Variants in CENPW observed in about 807,000 individuals in gnomAD.
The protein encoded by CENPW is cancer-up-regulated gene 2 protein.
Under a neutral mutation model 11.1 loss-of-function variants are expected in CENPW, and 3 were observed. That is an observed-to-expected ratio of 0.27 (90% CI 0.12 to 0.70). The LOEUF is 0.70. Ranked by LOEUF, CENPW falls within the 30% of genes least tolerant of loss-of-function variation. The pLI, the probability that CENPW is intolerant of heterozygous loss-of-function variation, is 0.77. For missense variants in CENPW, 100 were observed against 105.6 expected (o/e 0.95, Z 0.23); for synonymous variants, 38 against 42.0 (o/e 0.91, Z 0.37).
At chr6:126,358,432 A>G in the CENPW span, among the ~76,000 whole-genome samples, 2 of 152,122 alleles carry the variant, frequency 1.3e-5, no homozygotes, top group Non-Finnish European at 2.9e-5. Flanking sequence ...GTTGGATTTT[A>G]TTGAAAGCTT....
chr6:126,450,588 C>CT, the CENPW span, among the ~76,000 whole-genome samples: 5 of 150,514 alleles, frequency 3.3e-5, no homozygotes, highest in South Asian at 2.1e-4. Flanking sequence ...ATATCCTTTG[C>CT]TTTTTTTTCA....
chr6:126,362,758 G>C, the CENPW span, among the ~76,000 whole-genome samples: 1 of 151,940 alleles, frequency 6.6e-6, no homozygotes, highest in Non-Finnish European at 1.5e-5. Flanking sequence ...TCTATGTCCT[G>C]TCTTCTGATT....
the CENPW span, among the ~76,000 whole-genome samples, chr6:126,395,999 C>T: frequency 1.3e-5 from 2 of 152,136 alleles, no homozygotes; most frequent in African/African-American, 4.8e-5. Flanking sequence ...ACCAGCACAG[C>T]ACTGAATCTC....
the CENPW span, among the ~76,000 whole-genome samples, chr6:126,430,635 G>T: frequency 5.1e-4 from 77 of 152,192 alleles, no homozygotes; most frequent in African/African-American, 1.8e-3. Context: ...GGTAGGAAAG[G>T]TCGGTTGTTA....
downstream of CENPW, among the ~76,000 whole-genome samples, chr6:126,349,862 T>A (rs1416371212): frequency 6.6e-6 from 1 of 152,100 alleles, no homozygotes; most frequent in Non-Finnish European, 1.5e-5. Context: ...TTATTTATTT[T>A]TTTTAAAAGA....
At chr6:126,343,884 A>G (rs1428961882) in intron 1 of CENPW, among the ~76,000 whole-genome samples, 1 of 152,206 alleles carries the variant, frequency 6.6e-6, no homozygotes, top group Non-Finnish European at 1.5e-5. Flanking sequence ...CCCAGGAACA[A>G]TACTTTTCAT....
the CENPW span, among the ~76,000 whole-genome samples, chr6:126,385,391 TGTG>T: frequency 6.6e-6 from 1 of 152,026 alleles, no homozygotes; most frequent in East Asian, 1.9e-4. Context: ...ATAAAGAAAA[TGTG>T]GTGCATATAC....
At chr6:126,423,414 C>G in the CENPW span, among the ~76,000 whole-genome samples, 6 of 152,174 alleles carry the variant, frequency 3.9e-5, no homozygotes, top group Admixed American at 1.3e-4. Flanking sequence ...TCTTTTGAGT[C>G]TGCAGAAATG....
chr6:126,346,332 T>A lies in CENPW; in HGVS notation c.240+14T>A. 6.5e-7 allele frequency: 1 copy of A among 1,535,038 alleles called. No homozygotes were observed. The highest frequency in any genetic ancestry group is 9.0e-7 in the Non-Finnish European group (1 of 1,116,888). On this transcript the variant is annotated intron_variant, in intron 2 of 2. Coordinates refer to ENST00000368328, the MANE Select transcript of CENPW (RefSeq NM_001012507.4). Reference sequence around the variant, plus strand: ...GCCGCAGCAAAGGTAAAATCCAAATTTCTTTTCTCGAGCAAGAATTAAACT... The same window carrying A: ...GCCGCAGCAAAGGTAAAATCCAAATATCTTTTCTCGAGCAAGAATTAAACT...
chr6:126,392,490 A>G, the CENPW span, among the ~76,000 whole-genome samples: 1 of 151,798 alleles, frequency 6.6e-6, no homozygotes, highest in African/African-American at 2.4e-5. Flanking sequence ...TCTGTACCCA[A>G]TTTTTTGAGG....
chr6:126,423,650 G>A, the CENPW span, among the ~76,000 whole-genome samples: 8 of 151,930 alleles, frequency 5.3e-5, no homozygotes, highest in Non-Finnish European at 1.0e-4. Context: ...GAGACTTTTT[G>A]GGGGTGGGGC....
At chr6:126,478,913 C>G in the CENPW span, among the ~76,000 whole-genome samples, 2 of 152,018 alleles carry the variant, frequency 1.3e-5, no homozygotes, top group Admixed American at 6.6e-5. Flanking sequence ...AGCTGCCTGT[C>G]TCTTGATAGG....
At chr6:126,375,360 A>C in the CENPW span, among the ~76,000 whole-genome samples, 1 of 152,208 alleles carries the variant, frequency 6.6e-6, no homozygotes, top group Non-Finnish European at 1.5e-5. Context: ...TGTTCTGAGC[A>C]GGCATGTGAC....
chr6:126,390,188 C>T, the CENPW span, among the ~76,000 whole-genome samples: 3 of 151,848 alleles, frequency 2.0e-5, no homozygotes, highest in East Asian at 1.9e-4. Context: ...TACTGCAACC[C>T]GCCTAAAACC....
chr6:126,420,306 G>A, the CENPW span, among the ~76,000 whole-genome samples: 4 of 152,114 alleles, frequency 2.6e-5, no homozygotes, highest in Admixed American at 2.6e-4. Flanking sequence ...ATAGGGTGGA[G>A]TCAGATTATG....
At chr6:126,416,645 G>T in the CENPW span, among the ~76,000 whole-genome samples, 1 of 152,174 alleles carries the variant, frequency 6.6e-6, no homozygotes, top group East Asian at 1.9e-4. Flanking sequence ...ATGGCTGAAA[G>T]GGGCCAATGT....
the CENPW span, among the ~76,000 whole-genome samples, chr6:126,376,023 C>T: frequency 3.3e-5 from 5 of 152,118 alleles, no homozygotes; most frequent in Non-Finnish European, 7.4e-5. Context: ...TGTAGTTGCT[C>T]ATCAAGGGAA....
At chr6:126,433,294 T>G in the CENPW span, among the ~76,000 whole-genome samples, 2 of 152,196 alleles carry the variant, frequency 1.3e-5, no homozygotes, top group Non-Finnish European at 2.9e-5. Context: ...TACTATATAT[T>G]AGGCCTTGTG....
At chr6:126,447,100 T>C in the CENPW span, among the ~76,000 whole-genome samples, 1 of 151,076 alleles carries the variant, frequency 6.6e-6, no homozygotes, top group African/African-American at 2.4e-5. Flanking sequence ...ATAAGTACAG[T>C]AACTCTCAAC....
Sources: gnomAD v4.1 joint callset for allele counts (sites outside exome capture counted in the v4.1 genomes callset) on GRCh38, gnomAD v4.1.1 for gene constraint, MANE v1.5 for transcripts, NCBI Gene and HGNC (gene_info 2026-07-23, HGNC 2026-07-21) for gene names.